NRXN3: variants seen among roughly 807,000 people sequenced by gnomAD.
The protein encoded by NRXN3 is neurexin III.
NRXN3 carries 32 observed loss-of-function variants against 137.6 expected under a neutral mutation model. That is an observed-to-expected ratio of 0.23 (90% confidence interval 0.18 to 0.31). The LOEUF (loss-of-function observed/expected upper bound fraction) is 0.31, where lower values mean the gene tolerates loss of function less well. NRXN3 is among the 10% of genes least tolerant of loss of function. NRXN3 has a pLI of 1.00. For synonymous variants in NRXN3, 798 were observed against 784.5 expected (o/e 1.02, Z -0.29); for missense variants, 1,574 against 2,062.5 (o/e 0.76, Z 4.59).
intron 10 of NRXN3, among the ~76,000 whole-genome samples, chr14:78,952,142 A>T (rs550691082): frequency 1.3e-5 from 2 of 152,284 alleles, no homozygotes; most frequent in South Asian, 4.1e-4. Context: ...TATGGCAGCT[A>T]TTCCTGAGCC....
At chr14:79,626,762 G>A (rs959598244) in intron 16 of NRXN3, among the ~76,000 whole-genome samples, 29 of 152,112 alleles carry the variant, frequency 1.9e-4, no homozygotes, top group Non-Finnish European at 3.1e-4. Flanking sequence ...TTCTCAGCAC[G>A]ATTAGCCCTA....
intron 16 of NRXN3, among the ~76,000 whole-genome samples, chr14:79,581,658 T>A (rs1243366474): frequency 6.6e-6 from 1 of 152,220 alleles, no homozygotes; most frequent in East Asian, 1.9e-4. Flanking sequence ...TTTCTCCCAG[T>A]TGGTAATTAT....
intron 6 of NRXN3, among the ~76,000 whole-genome samples, chr14:78,685,760 G>A (rs1370498742): frequency 6.7e-6 from 1 of 149,080 alleles, no homozygotes; most frequent in Non-Finnish European, 1.5e-5. Context: ...AGCCTCTTGA[G>A]TAGCTGGGAT....
intron 7 of NRXN3, among the ~76,000 whole-genome samples, chr14:78,712,762 C>T (rs1450053960): frequency 1.3e-5 from 2 of 152,140 alleles, no homozygotes; most frequent in Non-Finnish European, 2.9e-5. Flanking sequence ...GGGGTTTCAC[C>T]ATGTTGGCCA....
At chr14:79,354,995 G>A (rs2093365296) in intron 15 of NRXN3, among the ~76,000 whole-genome samples, 1 of 152,160 alleles carries the variant, frequency 6.6e-6, no homozygotes, top group Non-Finnish European at 1.5e-5. Flanking sequence ...GACTTGCGGA[G>A]TTAGGTCAGT....
intron 15 of NRXN3, among the ~76,000 whole-genome samples, chr14:79,246,049 A>G (rs2075128986): frequency 6.6e-6 from 1 of 152,184 alleles, no homozygotes. Context: ...AACAAACCAA[A>G]AAGAAATATT....
At chr14:79,685,561 GA>G (rs1567886399) in intron 17 of NRXN3, among the ~76,000 whole-genome samples, 1 of 152,182 alleles carries the variant, frequency 6.6e-6, no homozygotes, top group African/African-American at 2.4e-5. Flanking sequence ...GCATACTGAA[GA>G]AAGTTTCATT....
At chr14:79,234,322 ATATATATATATATATATAATATT>A in intron 15 of NRXN3, among the ~76,000 whole-genome samples, 1 of 111,810 alleles carries the variant, frequency 8.9e-6, no homozygotes, top group Non-Finnish European at 1.7e-5. Context: ...ATATATATAT[ATATATATATATATATATAATATT>A]TATATATATA....
In NRXN3 at chr14:79,059,789, A is replaced by G. The variant is rs115664074; in HGVS notation, c.3262+71648A>G. Among the ~76,000 whole-genome samples, 370 of 152,328 alleles carry G rather than the reference A, an allele frequency of 2.4e-3. 2 individuals carry two copies. The highest frequency in any genetic ancestry group is 8.1e-3 in the African/African-American group (336 of 41,580). ...GTAGATGAATATGAGGAAGAGGGGA[A>G]ATCAAAAGAATGAGAGCAATGAGCC... On this transcript the variant is annotated intron_variant, in intron 15 of 20. Transcript: ENST00000335750.
At chr14:78,968,377 A>G in intron 14 of NRXN3, 31 bp downstream of exon 14, 2 of 1,603,068 alleles carry the variant, frequency 1.2e-6, no homozygotes, top group Non-Finnish European at 1.7e-6. Context: ...GTTAAGCTAC[A>G]GCCTTGTTGC....
intron 15 of NRXN3, among the ~76,000 whole-genome samples, chr14:79,401,394 A>C (rs2095190175): frequency 6.6e-6 from 1 of 152,146 alleles, no homozygotes; most frequent in South Asian, 2.1e-4. Context: ...ACTTTTTAGA[A>C]GTGCAAATCC....
At chr14:79,525,933 G>A (rs543164115) in intron 16 of NRXN3, among the ~76,000 whole-genome samples, 1 of 152,262 alleles carries the variant, frequency 6.6e-6, no homozygotes, top group South Asian at 2.1e-4. Flanking sequence ...TCAGGCTGGA[G>A]TGCAGTGGCA....
intron 11 of NRXN3, among the ~76,000 whole-genome samples, chr14:78,964,702 A>G (rs2099414200): frequency 6.6e-6 from 1 of 152,086 alleles, no homozygotes. Flanking sequence ...TGATTTTTCT[A>G]TATAAATGTT....
At chr14:78,634,248 C>G (rs17107972) in intron 4 of NRXN3, among the ~76,000 whole-genome samples, 11,441 of 152,228 alleles carry the variant, frequency 0.075, 520 homozygotes, top group Middle Eastern at 0.15. Flanking sequence ...TGCCAACGCA[C>G]GGAGCAGTGG....
intron 6 of NRXN3, among the ~76,000 whole-genome samples, chr14:78,651,785 C>T (rs1318723230): frequency 6.6e-6 from 1 of 152,152 alleles, no homozygotes; most frequent in Non-Finnish European, 1.5e-5. Context: ...ATGGGAAAGA[C>T]CTGACCCCAT....
At chr14:78,301,218 G>A (rs1299069273) in intron 4 of NRXN3, among the ~76,000 whole-genome samples, 3 of 151,810 alleles carry the variant, frequency 2.0e-5, no homozygotes, top group Non-Finnish European at 1.5e-5. Flanking sequence ...TGTGGGATTC[G>A]GAATTTTCTG....
intron 15 of NRXN3, among the ~76,000 whole-genome samples, chr14:79,093,207 G>T (rs2049544223): frequency 6.6e-6 from 1 of 152,146 alleles, no homozygotes; most frequent in Admixed American, 6.6e-5. Flanking sequence ...TTCTGTGTCA[G>T]ACTTGACAGG....
intron 20 of NRXN3, among the ~76,000 whole-genome samples, chr14:79,819,391 C>A (rs547409834): frequency 5.6e-4 from 84 of 150,978 alleles, no homozygotes; most frequent in African/African-American, 1.9e-3. Flanking sequence ...ATAGATAAGA[C>A]CTTCTTGCCC....
chr14:79,400,866 C>A (rs940122057), intron 15 of NRXN3, among the ~76,000 whole-genome samples: 2 of 152,054 alleles, frequency 1.3e-5, no homozygotes, highest in Non-Finnish European at 2.9e-5. Flanking sequence ...GCATATAGCC[C>A]CCCGTAACAA....
Sources: allele counts gnomAD v4.1 joint callset (sites outside exome capture counted in the v4.1 genomes callset), GRCh38; gene constraint gnomAD v4.1.1; transcripts MANE v1.5; gene names NCBI Gene and HGNC (gene_info 2026-07-23, HGNC 2026-07-21).